The following UTRN variants were observed in gnomAD, a reference collection of about 807,000 sequenced individuals.
The protein encoded by UTRN is dystrophin-related protein 1.
A neutral mutation model predicts 463.9 loss-of-function variants in UTRN; 283 were observed. The ratio of observed to expected loss-of-function variants is 0.61; its 90% CI spans 0.55 to 0.67. The LOEUF (loss-of-function observed/expected upper bound fraction) is 0.67, where lower values mean the gene tolerates loss of function less well. Among genes scored for constraint, UTRN ranks in the 30% least tolerant of loss-of-function variants. The probability of loss-of-function intolerance (pLI) is 0.00; values close to 1 mark genes in which losing one functional copy is unlikely to be tolerated. For missense variants in UTRN, 3,922 were observed against 4,084.3 expected, an observed-to-expected ratio of 0.96 and a Z score of 1.08; for synonymous variants, 1,442 against 1,431.5, an observed-to-expected ratio of 1.01 and a Z score of -0.17.
intron 64 of UTRN, among the ~76,000 whole-genome samples, chr6:144,800,853 G>T (rs1777641550): frequency 6.6e-6 from 1 of 152,116 alleles, no homozygotes; most frequent in Non-Finnish European, 1.5e-5. Flanking sequence ...TAAAAGGCAA[G>T]ATTAGAGAGA....
chr6:144,654,350 G>A (rs73778367), intron 51 of UTRN, among the ~76,000 whole-genome samples: 8,911 of 151,428 alleles, frequency 0.059, 877 homozygotes, highest in African/African-American at 0.2. Context: ...ATAGCTGATC[G>A]CGTGGGGTTA....
chr6:144,427,821 A>G (rs1322686181), intron 7 of UTRN, among the ~76,000 whole-genome samples: 1 of 152,256 alleles, frequency 6.6e-6, no homozygotes, highest in Non-Finnish European at 1.5e-5. Context: ...GACACAGGGT[A>G]TACAGCAGAG....
chr6:144,818,496 A>G (rs1253716145), intron 65 of UTRN, among the ~76,000 whole-genome samples: 3 of 152,240 alleles, frequency 2.0e-5, no homozygotes, highest in Non-Finnish European at 4.4e-5. Context: ...AGACCTGGAT[A>G]TGGCTTGAAA....
intron 51 of UTRN, among the ~76,000 whole-genome samples, chr6:144,645,088 G>A (rs1423172040): frequency 2.6e-5 from 4 of 152,088 alleles, no homozygotes; most frequent in Admixed American, 6.6e-5. Flanking sequence ...AGCATAACCC[G>A]AATTGCAATT....
intron 53 of UTRN, chr6:144,708,188 G>T: frequency 1.8e-6 from 1 of 561,326 alleles, no homozygotes; most frequent in Non-Finnish European, 3.4e-6. Context: ...ATAGTAGCCA[G>T]TTATTTTTGA....
intron 2 of UTRN, among the ~76,000 whole-genome samples, chr6:144,401,788 C>T (rs1005098324): frequency 2.6e-5 from 4 of 151,960 alleles, no homozygotes; most frequent in Admixed American, 1.3e-4. Flanking sequence ...AAGTGGTAGG[C>T]GAACCTCTAA....
rs77665040 is a variant in UTRN, at chr6:144,578,787, C to T, written c.7479+1499C>T. Among the ~76,000 whole-genome samples the T allele has an allele frequency of 5.8e-3, 891 of 152,310 alleles. 7 individuals are homozygous for T. The highest frequency in any genetic ancestry group is 0.021 in the African/African-American group (858 of 41,574). Reference sequence around the variant, plus strand: ...CTGCTGTCCTTGGACCTTGACTCACCGTTATGAAACTCAGCATTGAAACCT... The same window carrying T: ...CTGCTGTCCTTGGACCTTGACTCACTGTTATGAAACTCAGCATTGAAACCT... On this transcript the variant is annotated intron_variant, in intron 51 of 74. Transcript: ENST00000367545.
intron 2 of UTRN, among the ~76,000 whole-genome samples, chr6:144,395,664 A>G (rs1782340396): frequency 6.6e-6 from 1 of 152,220 alleles, no homozygotes; most frequent in Non-Finnish European, 1.5e-5. Flanking sequence ...AACTATTTTG[A>G]GAGTAAATCA....
At chr6:144,411,786 TTCTC>T (rs1783919562) in intron 3 of UTRN, among the ~76,000 whole-genome samples, 2 of 152,166 alleles carry the variant, frequency 1.3e-5, no homozygotes, top group South Asian at 2.1e-4. Flanking sequence ...TCTCTTGTCT[TTCTC>T]TCTTCCTCTT....
intron 4 of UTRN, among the ~76,000 whole-genome samples, chr6:144,423,115 A>C (rs1489023501): frequency 7.2e-5 from 11 of 152,176 alleles, no homozygotes. Context: ...AATTTCTCTA[A>C]AATCCTTCTG....
At chr6:144,686,292 T>C (rs1439240418) in intron 52 of UTRN, among the ~76,000 whole-genome samples, 1 of 152,172 alleles carries the variant, frequency 6.6e-6, no homozygotes, top group Admixed American at 6.5e-5. Flanking sequence ...TAAAAATTAA[T>C]TGAGACTTGT....
intron 51 of UTRN, among the ~76,000 whole-genome samples, chr6:144,585,534 G>A (rs1018878839): frequency 2.0e-5 from 3 of 152,076 alleles, no homozygotes; most frequent in Non-Finnish European, 2.9e-5. Flanking sequence ...TTTTATTTGT[G>A]TGGTTATATT....
intron 2 of UTRN, among the ~76,000 whole-genome samples, chr6:144,341,353 T>TG (rs976860359): frequency 1.3e-5 from 2 of 152,222 alleles, no homozygotes; most frequent in African/African-American, 4.8e-5. Context: ...TGTTTAGTTT[T>TG]GGGGGGATCA....
In UTRN at chr6:144,510,961, G is replaced by A. The variant is rs753308582; in HGVS notation, c.4782G>A (p.Leu1594=). ...TTTTCTAGAATGTTCTGAAGGATCT[G>A]GAAAAGAGAAAAGCTGATTTAAATA... ...ISWAKNVLKD[L]EKRKADLNTI... Residue 1594 remains leucine, a synonymous_variant, in exon 35 of 75, where the codon CTG becomes CTA. Transcript: ENST00000367545. 93 of 1,597,260 alleles carry A rather than the reference G, an allele frequency of 5.8e-5. No homozygotes were observed. The highest frequency in any genetic ancestry group is 7.9e-5 in the Non-Finnish European group (92 of 1,169,512).
At chr6:144,661,830 C>T (rs1360463861) in intron 51 of UTRN, among the ~76,000 whole-genome samples, 1 of 152,156 alleles carries the variant, frequency 6.6e-6, no homozygotes, top group Non-Finnish European at 1.5e-5. Flanking sequence ...GCCTCAGCTT[C>T]AAGCCATTTT....
intron 44 of UTRN, among the ~76,000 whole-genome samples, chr6:144,538,205 T>C (rs1480892515): frequency 1.3e-5 from 2 of 152,154 alleles, no homozygotes; most frequent in Admixed American, 6.5e-5. Flanking sequence ...TAACAAGTAT[T>C]GTTTATAGTT....
intron 66 of UTRN, among the ~76,000 whole-genome samples, 182 bp from the exon 67 acceptor site, chr6:144,827,166 G>A (rs1780255968): frequency 6.6e-6 from 1 of 152,136 alleles, no homozygotes; most frequent in South Asian, 2.1e-4. Flanking sequence ...TGAATACACG[G>A]CGACTTCTCT....
intron 2 of UTRN, among the ~76,000 whole-genome samples, chr6:144,317,661 T>C (rs1431407587): frequency 6.6e-6 from 1 of 152,166 alleles, no homozygotes; most frequent in Non-Finnish European, 1.5e-5. Flanking sequence ...CCTCCCAAAG[T>C]GCTGGGATTA....
intron 66 of UTRN, among the ~76,000 whole-genome samples, chr6:144,824,455 A>AC: frequency 2.4e-5 from 1 of 41,020 alleles, no homozygotes; most frequent in East Asian, 0.015. Context: ...ACACATATAC[A>AC]ATAAATATGT....
Sources: gnomAD v4.1 joint callset for allele counts (sites outside exome capture counted in the v4.1 genomes callset) on GRCh38, gnomAD v4.1.1 for gene constraint, MANE v1.5 for transcripts, NCBI Gene and HGNC (gene_info 2026-07-23, HGNC 2026-07-21) for gene names.